CPLANE1: variants seen among roughly 807,000 people sequenced by gnomAD.
The protein encoded by CPLANE1 is ciliogenesis and planar polarity effector complex subunit 1.
Under a neutral mutation model 362.5 loss-of-function variants are expected in CPLANE1, and 263 were observed. The ratio of observed to expected loss-of-function variants is 0.73; its 90% CI spans 0.66 to 0.80. The LOEUF (loss-of-function observed/expected upper bound fraction) is 0.80, where lower values mean the gene tolerates loss of function less well. Ranked by LOEUF, CPLANE1 falls within the 30% of genes least tolerant of loss-of-function variation. CPLANE1 has a pLI of 0.00. For synonymous variants in CPLANE1, 1,212 were observed against 1,302.6 expected (o/e 0.93, Z 1.50); for missense variants, 3,461 against 3,793.4 (o/e 0.91, Z 2.30).
intron 5 of CPLANE1, 113 bp from the exon 6 acceptor site, chr5:37,243,232 G>T: frequency 1.6e-6 from 1 of 644,438 alleles, no homozygotes. Flanking sequence ...TTGAGATCTT[G>T]CTTATACTTT....
At chr5:37,129,060 C>T (rs897991050) in intron 46 of CPLANE1, among the ~76,000 whole-genome samples, 13 of 151,978 alleles carry the variant, frequency 8.6e-5, no homozygotes, top group East Asian at 1.9e-4. Context: ...AAAATAGGCA[C>T]GTAGACCAAT....
At chr5:37,133,426 T>C (rs776234003) in intron 46 of CPLANE1, among the ~76,000 whole-genome samples, 2 of 152,172 alleles carry the variant, frequency 1.3e-5, no homozygotes, top group South Asian at 2.1e-4. Context: ...TATGTTTTTA[T>C]GTCACCTGCG....
chr5:37,120,666 T>C (rs542021212), intron 49 of CPLANE1, among the ~76,000 whole-genome samples: 2 of 152,346 alleles, frequency 1.3e-5, no homozygotes, highest in African/African-American at 2.4e-5. Flanking sequence ...ACTTAACATA[T>C]AACTCTCAAC....
chr5:37,176,022 G>T lies in CPLANE1; in HGVS notation c.5901-36C>A, dbSNP rs748564280. 3.6e-6 allele frequency: 5 copies of T among 1,390,368 alleles called. No individual in the cohort carries two copies. In the South Asian group the frequency reaches 5.8e-5, roughly 16 times the overall value. 86.1% of individuals were successfully genotyped at this position (1,390,368 alleles called of 1,614,324 possible). On this transcript the variant is annotated intron_variant, in intron 30 of 52. Transcript: ENST00000651892. ...AAATTAACAGGTGATTAGTAAGCAA[G>T]ATATTCTTTGCATTATCTAAGGTAT...
intron 21 of CPLANE1, among the ~76,000 whole-genome samples, chr5:37,189,912 T>A (rs1785022659): frequency 2.0e-5 from 3 of 151,498 alleles, no homozygotes; most frequent in Admixed American, 2.0e-4. Flanking sequence ...GGCAGAAGAA[T>A]CACTTGAACC....
chr5:37,164,753 A>G (rs1777789556), intron 36 of CPLANE1, among the ~76,000 whole-genome samples: 1 of 152,218 alleles, frequency 6.6e-6, no homozygotes, highest in Non-Finnish European at 1.5e-5. Flanking sequence ...ATACGTCTCT[A>G]TTTAATCTGT....
Position 37,116,353 on chromosome 5 carries a change from G to A in CPLANE1, c.9311-1304C>T, listed in dbSNP as rs542150862. ...ATACAAAAATTAGTTGGGCACGGTG[G>A]TGCAAGCCTGTAGTCCCCGTTACTC... On this transcript the variant is annotated intron_variant, in intron 50 of 52. Coordinates refer to ENST00000651892, the MANE Select transcript of CPLANE1 (RefSeq NM_001384732.1). Among the ~76,000 whole-genome samples the A allele has an allele frequency of 5.9e-5, 9 of 152,110 alleles. No homozygotes were observed. The South Asian group carries it at 1.9e-3, about 32-fold the overall frequency.
rs1341325668 is a variant in CPLANE1, at chr5:37,107,787, T to C, written c.9580-9A>G. 2 of 1,588,900 alleles carry C rather than the reference T, an allele frequency of 1.3e-6. No individual in the cohort carries two copies. Among genetic ancestry groups the C allele is most frequent in the Admixed American group, 1.8e-5 (1 of 56,704 alleles). On this transcript the variant is annotated splice_polypyrimidine_tract_variant and intron_variant, in intron 52 of 52. Coordinates refer to ENST00000651892, the MANE Select transcript of CPLANE1 (RefSeq NM_001384732.1). Reference sequence around the variant, plus strand: ...TCAGTTGGAGACAAGTCCTATTAAATTGAAAAGACAATTGTGGTCCTAGCC... The same window carrying C: ...TCAGTTGGAGACAAGTCCTATTAAACTGAAAAGACAATTGTGGTCCTAGCC...
At chr5:37,189,663 T>C (rs543003551) in intron 21 of CPLANE1, among the ~76,000 whole-genome samples, 4 of 152,042 alleles carry the variant, frequency 2.6e-5, no homozygotes, top group African/African-American at 9.6e-5. Context: ...ATTCAGTGAG[T>C]CTCAATCATC....
intron 46 of CPLANE1, among the ~76,000 whole-genome samples, chr5:37,132,828 TTAGTCA>T (rs1487510821): frequency 6.6e-6 from 1 of 152,360 alleles, no homozygotes; most frequent in Non-Finnish European, 1.5e-5. Context: ...TTTTGAGAAC[TTAGTCA>T]TAAATTCTTT....
intron 44 of CPLANE1, chr5:37,141,592 C>T: frequency 3.1e-6 from 3 of 958,262 alleles, no homozygotes; most frequent in Non-Finnish European, 3.7e-6. Flanking sequence ...AGCATTTTTA[C>T]TGTTTATATC....
chr5:37,095,943 G>A, the CPLANE1 span, among the ~76,000 whole-genome samples: 5 of 152,180 alleles, frequency 3.3e-5, no homozygotes, highest in African/African-American at 9.6e-5. Flanking sequence ...TAAACAAATC[G>A]AAACACATCC....
In CPLANE1 at chr5:37,248,873, T is replaced by C. The variant is rs549845197; in HGVS notation, c.-48+372A>G. Among the ~76,000 whole-genome samples the C allele has an allele frequency of 4.8e-3, 732 of 152,346 alleles. 4 individuals are homozygous for C. Among genetic ancestry groups the C allele is most frequent in the Admixed American group, 7.6e-3 (116 of 15,302 alleles). ...TAAATCCATTAGTCAATCTTAAAATTGCTAAGAGCGAGGAAAATTGACGTT... is the reference window on the plus strand; with the variant it reads ...TAAATCCATTAGTCAATCTTAAAATCGCTAAGAGCGAGGAAAATTGACGTT... On this transcript the variant is annotated intron_variant, in intron 1 of 52. Coordinates refer to ENST00000651892, the MANE Select transcript of CPLANE1 (RefSeq NM_001384732.1).
intron 9 of CPLANE1, among the ~76,000 whole-genome samples, chr5:37,229,997 T>G (rs1797349295): frequency 6.6e-6 from 1 of 151,842 alleles, no homozygotes; most frequent in Non-Finnish European, 1.5e-5. Context: ...ACCAACATGG[T>G]GAAACCCCGT....
Position 37,142,430 on chromosome 5 carries a change from TCTC to T in CPLANE1, c.8509_8511del (p.Glu2837del). On this transcript the variant is annotated inframe_deletion, in exon 44 of 53. Coordinates refer to ENST00000651892, the MANE Select transcript of CPLANE1 (RefSeq NM_001384732.1). ...GTTATTGAAAATTCAGGTTCTGAAG[TCTC>T]CTTTTTGTCACTTTGATCTTCTTCA... 6.2e-7 allele frequency: 1 copy of T among 1,608,620 alleles called. No homozygotes were observed. The highest frequency in any genetic ancestry group is 8.5e-7 in the Non-Finnish European group (1 of 1,177,836).
At chr5:37,208,602 A>G (rs973919629) in intron 16 of CPLANE1, among the ~76,000 whole-genome samples, 7 of 151,382 alleles carry the variant, frequency 4.6e-5, no homozygotes, top group Admixed American at 3.3e-4. Flanking sequence ...GCACGAGCCC[A>G]GGAGGCGGAG....
chr5:37,125,511 T>C, intron 46 of CPLANE1, 102 bp from the exon 47 acceptor site: 1 of 1,109,800 alleles, frequency 9.0e-7, no homozygotes, highest in East Asian at 2.4e-5. Flanking sequence ...TTTTGCCCCA[T>C]CTTCAAAAGT....
intron 18 of CPLANE1, 35 bp from the exon 19 acceptor site, chr5:37,201,843 G>T: frequency 1.4e-6 from 2 of 1,443,734 alleles, no homozygotes; most frequent in Non-Finnish European, 1.9e-6. Context: ...AATAGTTAAA[G>T]CTTGTATTAA....
intron 38 of CPLANE1, 34 bp from the exon 39 acceptor site, chr5:37,158,379 CA>C: frequency 3.8e-6 from 6 of 1,580,442 alleles, no homozygotes; most frequent in South Asian, 1.2e-5. Flanking sequence ...CAGGAACATT[CA>C]AAAAAAGGCT....
Sources: gnomAD v4.1 joint callset for allele counts (sites outside exome capture counted in the v4.1 genomes callset) on GRCh38, gnomAD v4.1.1 for gene constraint, MANE v1.5 for transcripts, NCBI Gene and HGNC (gene_info 2026-07-23, HGNC 2026-07-21) for gene names.